SLC25A34: variants seen among roughly 807,000 people sequenced by gnomAD.
SLC25A34 encodes solute carrier family 25 member 34.
SLC25A34 carries 26 observed loss-of-function variants against 28.1 expected under a neutral mutation model. That is an observed-to-expected ratio of 0.93 (90% CI 0.68 to 1.28). SLC25A34 has a LOEUF of 1.28. SLC25A34 is among the 50% of genes most tolerant of loss of function. The pLI is 0.00. For synonymous variants in SLC25A34, 182 were observed against 182.2 expected, an observed-to-expected ratio of 1.00 and a Z score of 0.01; for missense variants, 384 against 409.8, an observed-to-expected ratio of 0.94 and a Z score of 0.54.
Position 15,739,475 on chromosome 1 carries a change from C to T in SLC25A34, c.*69C>T. The T allele has an allele frequency of 6.1e-6, 9 of 1,472,016 alleles. No individual in the cohort carries two copies. The highest frequency in any genetic ancestry group is 7.2e-6 in the Non-Finnish European group (8 of 1,113,112). 91.2% of individuals were successfully genotyped at this position (1,472,016 alleles called of 1,614,324 possible). A position where few individuals can be genotyped will look rare whatever the true frequency, so the allele number is the denominator to read the frequency against. On this transcript the variant is annotated 3_prime_UTR_variant, in exon 5 of 5. Coordinates refer to ENST00000294454, the MANE Select transcript of SLC25A34 (RefSeq NM_207348.3). ...CCGGAAGTGAGAGCCTGCTCCAGGA[C>T]AACTGGCTGTCCCGGGGCGGGCCAT...
chr1:15,736,726 G>A lies in SLC25A34; in HGVS notation c.241G>A (p.Gly81Ser). The change falls in exon 1 of 5, where the codon GGC becomes AGC. Residue 81 changes from glycine (G) to serine (S), a missense_variant. By Grantham distance (56) the Gly-to-Ser change is moderately conservative. Coordinates refer to ENST00000294454, the MANE Select transcript of SLC25A34 (RefSeq NM_207348.3). Reference sequence around the variant, plus strand: ...GCTGGCTGCCGGCCTTCTGTACCAAGGCCTCATGAATGGCGTTCGTTTCTA... The same window carrying A: ...GCTGGCTGCCGGCCTTCTGTACCAAAGCCTCATGAATGGCGTTCGTTTCTA... The part of the protein sequence containing the change: ...KGLAAGLLYQ[G>S]LMNGVRFYCY... 1 of 1,610,054 alleles carries A rather than the reference G, an allele frequency of 6.2e-7. No homozygotes were observed. The highest frequency in any genetic ancestry group is 8.5e-7 in the Non-Finnish European group (1 of 1,179,624).
chr1:15,739,188 C>T (rs762701259), intron 4 of SLC25A34, 36 bp from the exon 5 acceptor site: 2 of 1,596,510 alleles, frequency 1.3e-6, no homozygotes, highest in Admixed American at 1.7e-5. Flanking sequence ...GGCCTCAAGG[C>T]CCCTGTAGTA....
In SLC25A34 at chr1:15,739,362, G is replaced by GAGCTTC. The variant is rs2068258871; in HGVS notation, c.872_877dup (p.Leu292_Arg293insGlnLeu). ...CATCCTCAGCATGCTCTTCTGGGAC[G>GAGCTTC]AGCTTCGGAAACTGGCTGGGCGGGC... is the stretch of plus-strand genomic sequence containing the variant. On this transcript the variant is annotated inframe_insertion, in exon 5 of 5. Coordinates refer to ENST00000294454, the MANE Select transcript of SLC25A34 (RefSeq NM_207348.3). The GAGCTTC allele has an allele frequency of 6.3e-7, 1 of 1,580,518 alleles. No homozygotes were observed. Among genetic ancestry groups the GAGCTTC allele is most frequent in the Non-Finnish European group, 8.6e-7 (1 of 1,163,264 alleles).
At chr1:15,737,030 G>A in intron 1 of SLC25A34, 167 bp downstream of exon 1, 1 of 978,980 alleles carries the variant, frequency 1.0e-6, no homozygotes, top group Non-Finnish European at 1.4e-6. Context: ...TCTGCCCCTT[G>A]GCCCAGGGCC....
rs1229267137 is a variant in SLC25A34 at position 15,741,392 on chromosome 1, A to G, written c.*1986A>G. The G allele has an allele frequency of 6.6e-6, 1 of 152,600 alleles. No homozygotes were observed. The highest frequency in any genetic ancestry group is 1.5e-5 in the Non-Finnish European group (1 of 68,094). The allele number at this position is 152,600 out of a possible 1,614,324, so 9.5% of individuals were successfully genotyped here. On this transcript the variant is annotated 3_prime_UTR_variant, in exon 5 of 5. Coordinates refer to ENST00000294454, the MANE Select transcript of SLC25A34 (RefSeq NM_207348.3). ...AAAGTTTTATATTTTGTTTACTTCA[A>G]CGACCCTCCTCTGTGGTGAATCTCA...
At chr1:15,737,197 G>A (rs2068233100) in intron 1 of SLC25A34, among the ~76,000 whole-genome samples, 1 of 152,126 alleles carries the variant, frequency 6.6e-6, no homozygotes, top group Non-Finnish European at 1.5e-5. Context: ...ACCCTTGAGG[G>A]CCTCCGCCTC....
intron 4 of SLC25A34, 65 bp downstream of exon 4, chr1:15,738,793 C>A: frequency 6.9e-7 from 1 of 1,449,742 alleles, no homozygotes; most frequent in South Asian, 1.4e-5. Context: ...CACACACACA[C>A]ACACACACAC....
At chr1:15,737,861 A>AAC in intron 1 of SLC25A34, 68 bp from the exon 2 acceptor site, 3 of 1,581,178 alleles carry the variant, frequency 1.9e-6, no homozygotes, top group Non-Finnish European at 2.6e-6. Context: ...GGGCGCCCTC[A>AAC]ACACACACAG....
intron 1 of SLC25A34, among the ~76,000 whole-genome samples, chr1:15,737,142 T>C (rs1005576313): frequency 1.3e-5 from 2 of 152,214 alleles, no homozygotes; most frequent in Admixed American, 1.3e-4. Context: ...CTGGCTTGGT[T>C]ACTTCTCTTC....
At position 15,739,541 on chromosome 1, in the gene SLC25A34, G is replaced by A; in HGVS notation, c.*135G>A. 9.4e-7 allele frequency: 1 copy of A among 1,066,662 alleles called. No individual in the cohort carries two copies. The highest frequency in any genetic ancestry group is 1.3e-6 in the Non-Finnish European group (1 of 784,126). 66.1% of individuals were successfully genotyped at this position (1,066,662 alleles called of 1,614,324 possible). A position where few individuals can be genotyped will look rare whatever the true frequency, so the allele number is the denominator to read the frequency against. ...CAGAGGTCCCGGGAGAGTGTGGACAGCTCTGGTCCATCCAGCCCCTTGGCC... is the reference window on the plus strand; with the variant it reads ...CAGAGGTCCCGGGAGAGTGTGGACAACTCTGGTCCATCCAGCCCCTTGGCC... On this transcript the variant is annotated 3_prime_UTR_variant, in exon 5 of 5. Transcript: ENST00000294454.
Position 15,738,146 on chromosome 1 carries a change from G to A in SLC25A34, c.498G>A (p.Leu166=), listed in dbSNP as rs2068243948. The part of the protein sequence containing the change: ...TIWRQQGLLG[L]WQGVGGAVPR... ...GGCGGCAGCAAGGGCTCTTGGGGCT[G>A]TGGCAGGGCGTTGGTGGGGCTGTGC... Residue 166 remains leucine (L), a synonymous_variant, in exon 3 of 5, where the codon CTG becomes CTA. Coordinates refer to ENST00000294454, the MANE Select transcript of SLC25A34 (RefSeq NM_207348.3). 2 of 1,608,114 alleles carry A rather than the reference G, an allele frequency of 1.2e-6. No homozygotes were observed. Among genetic ancestry groups the A allele is most frequent in the Non-Finnish European group, 1.7e-6 (2 of 1,176,384 alleles).
At position 15,736,579 on chromosome 1, in the gene SLC25A34, A is replaced by G. The variant is rs1481181918; in HGVS notation, c.94A>G (p.Thr32Ala). ...VFTNPLEVVK[T>A]RLQLQGELQA... is the part of the protein sequence containing the mutation. Reference sequence around the variant, plus strand: ...CACCAACCCCCTGGAGGTGGTGAAGACGCGGCTGCAGCTGCAGGGGGAGCT... The same window carrying G: ...CACCAACCCCCTGGAGGTGGTGAAGGCGCGGCTGCAGCTGCAGGGGGAGCT... The change falls in exon 1 of 5, where the codon ACG becomes GCG. Residue 32 changes from threonine (T) to alanine (A), a missense_variant. Physicochemically the swap from Thr to Ala is moderately conservative, Grantham distance 58. Coordinates refer to ENST00000294454, the MANE Select transcript of SLC25A34 (RefSeq NM_207348.3). The G allele has an allele frequency of 1.3e-6, 2 of 1,508,064 alleles. No individual in the cohort carries two copies. Among genetic ancestry groups the G allele is most frequent in the East Asian group, 5.0e-5 (2 of 40,014 alleles). The allele number at this position is 1,508,064 out of a possible 1,614,324, so 93.4% of individuals were successfully genotyped here. A position where few individuals can be genotyped will look rare whatever the true frequency, so the allele number is the denominator to read the frequency against.
At position 15,739,160 on chromosome 1, in the gene SLC25A34, A is replaced by T. The variant is rs538258261; in HGVS notation, c.733-64A>T. The T allele has an allele frequency of 8.7e-5, 137 of 1,569,812 alleles. 1 individual carries two copies. In the South Asian group the frequency reaches 1.6e-3, roughly 18 times the overall value. ...GGGGGTGAAATTGACCCGTGTGCCA[A>T]GATGTGGTGCCAGCCAGGGCCTCAA... On this transcript the variant is annotated intron_variant, in intron 4 of 4. Coordinates refer to ENST00000294454, the MANE Select transcript of SLC25A34 (RefSeq NM_207348.3).
At position 15,738,737 on chromosome 1, in the gene SLC25A34, G is replaced by T; in HGVS notation, c.732+9G>T. The T allele has an allele frequency of 6.4e-7, 1 of 1,561,756 alleles. No homozygotes were observed. On this transcript the variant is annotated intron_variant, in intron 4 of 4. Coordinates refer to ENST00000294454, the MANE Select transcript of SLC25A34 (RefSeq NM_207348.3). ...TGGACACAGCTGGCAGGGTGAGCAG[G>T]GGCGGGTCTAGGGGAGACCGTGGGG... is the stretch of plus-strand genomic sequence containing the variant.
In SLC25A34 at chr1:15,736,884, G is replaced by A. The variant is rs373872224; in HGVS notation, c.378+21G>A. Reference sequence around the variant, plus strand: ...ACCTGGTGAGTGGCTTGTCTCCATCGTCCACCCTCCACCATCCCATGACCC... The same window carrying A: ...ACCTGGTGAGTGGCTTGTCTCCATCATCCACCCTCCACCATCCCATGACCC... On this transcript the variant is annotated intron_variant, in intron 1 of 4. Transcript: ENST00000294454. The A allele has an allele frequency of 2.9e-5, 44 of 1,504,724 alleles. 1 individual carries two copies. Among genetic ancestry groups the A allele is most frequent in the South Asian group, 1.2e-4 (9 of 76,298 alleles). The allele number at this position is 1,504,724 out of a possible 1,614,324, so 93.2% of individuals were successfully genotyped here.
chr1:15,736,897 C>T, intron 1 of SLC25A34, 34 bp downstream of exon 1: 3 of 1,481,770 alleles, frequency 2.0e-6, no homozygotes. Flanking sequence ...CACCCTCCAC[C>T]ATCCCATGAC....
In SLC25A34 at chr1:15,736,676, A is replaced by G. The variant is rs1237198110; in HGVS notation, c.191A>G (p.Asp64Gly). ...IASVAAVARA[D>G]GLWGLQKGLA... Reference sequence around the variant, plus strand: ...TCTGTCGCTGCTGTGGCCCGAGCAGACGGGCTGTGGGGCCTGCAGAAGGGG... The same window carrying G: ...TCTGTCGCTGCTGTGGCCCGAGCAGGCGGGCTGTGGGGCCTGCAGAAGGGG... The change falls in exon 1 of 5, where the codon GAC becomes GGC. Residue 64 changes from aspartate to glycine, a missense_variant. Physicochemically the swap from Asp to Gly is moderately conservative, Grantham distance 94. Coordinates refer to ENST00000294454, the MANE Select transcript of SLC25A34 (RefSeq NM_207348.3). The G allele has an allele frequency of 6.2e-7, 1 of 1,606,324 alleles. No individual in the cohort carries two copies. Among genetic ancestry groups the G allele is most frequent in the Non-Finnish European group, 8.5e-7 (1 of 1,177,454 alleles).
Position 15,738,176 on chromosome 1 carries a change from A to C in SLC25A34, c.528A>C (p.Arg176=). ...LWQGVGGAVP[R]VMVGSAAQLA... is the part of the protein sequence containing the mutation. ...AGGGCGTTGGTGGGGCTGTGCCCCG[A>C]GTCATGGTGGGCTCAGCTGCCCAGC... The change falls in exon 3 of 5, where the codon CGA becomes CGC. Residue 176 remains arginine, a synonymous_variant. Transcript: ENST00000294454. The C allele has an allele frequency of 6.2e-7, 1 of 1,607,338 alleles. No individual in the cohort carries two copies. The highest frequency in any genetic ancestry group is 8.5e-7 in the Non-Finnish European group (1 of 1,176,708).
chr1:15,737,975 G>A lies in SLC25A34; in HGVS notation c.425G>A (p.Gly142Glu). 6.2e-7 allele frequency: 1 copy of A among 1,613,792 alleles called. No individual in the cohort carries two copies. The highest frequency in any genetic ancestry group is 1.3e-5 in the African/African-American group (1 of 75,048). The change falls in exon 2 of 5, where the codon GGA becomes GAA. Residue 142 changes from glycine to glutamate, a missense_variant. Physicochemically the swap from Gly to Glu is moderately conservative, Grantham distance 98. Coordinates refer to ENST00000294454, the MANE Select transcript of SLC25A34 (RefSeq NM_207348.3). ...QAQTVAAVAV[G>E]HQHNHQTVLG... Reference sequence around the variant, plus strand: ...CAGACAGTGGCCGCAGTGGCCGTGGGACACCAGCACAATCACCAGGTGAGG... The same window carrying A: ...CAGACAGTGGCCGCAGTGGCCGTGGAACACCAGCACAATCACCAGGTGAGG...
Sources: allele counts gnomAD v4.1 joint callset (sites outside exome capture counted in the v4.1 genomes callset), GRCh38; gene constraint gnomAD v4.1.1; transcripts MANE v1.5; gene names NCBI Gene and HGNC (gene_info 2026-07-23, HGNC 2026-07-21).